Variants in CDH7 observed in about 807,000 individuals in gnomAD.
The protein encoded by CDH7 is cadherin-7.
In CDH7, 25 loss-of-function variants were observed where a neutral mutation model predicts 71.8. The ratio of observed to expected loss-of-function variants is 0.35; its 90% CI spans 0.25 to 0.49. CDH7 has a LOEUF of 0.49. Ranked by LOEUF, CDH7 falls within the 20% of genes least tolerant of loss-of-function variation. CDH7 has a pLI of 0.99. For missense variants in CDH7, 862 were observed against 974.6 expected (o/e 0.88, Z 1.54); for synonymous variants, 381 against 363.8 (o/e 1.05, Z -0.54).
intron 6 of CDH7, among the ~76,000 whole-genome samples, chr18:65,842,091 T>A (rs768612580): frequency 1.3e-5 from 2 of 152,132 alleles, no homozygotes; most frequent in Non-Finnish European, 2.9e-5. Flanking sequence ...TTCCCTTATC[T>A]CTCATTTTAA....
chr18:65,861,240 A>G (rs1913552768), intron 10 of CDH7, among the ~76,000 whole-genome samples: 1 of 152,124 alleles, frequency 6.6e-6, no homozygotes, highest in South Asian at 2.1e-4. Context: ...TCAGTTCTTA[A>G]GAAGTCTTCC....
At chr18:65,759,313 C>T (rs942898247) in intron 1 of CDH7, among the ~76,000 whole-genome samples, 4 of 150,694 alleles carry the variant, frequency 2.7e-5, no homozygotes, top group East Asian at 1.9e-4. Context: ...GGTGCCGTCT[C>T]GGCTCCCTGA....
chr18:65,854,282 G>A (rs1030234273), intron 7 of CDH7, among the ~76,000 whole-genome samples: 1 of 135,054 alleles, frequency 7.4e-6, no homozygotes, highest in African/African-American at 2.8e-5. Flanking sequence ...CTCCAGCCTG[G>A]GCTACAGAGT....
intron 2 of CDH7, among the ~76,000 whole-genome samples, chr18:65,808,373 A>C (rs1355634093): frequency 6.6e-6 from 1 of 152,316 alleles, no homozygotes; most frequent in South Asian, 2.1e-4. Context: ...ACAGTTAAAT[A>C]ATTCACAATA....
rs1914288801 is a variant in CDH7 at position 65,883,474 on chromosome 18, G to A, written c.*2580G>A. 6.6e-6 allele frequency: 1 copy of A among 151,866 alleles called. No homozygotes were observed. The highest frequency in any genetic ancestry group is 1.5e-5 in the Non-Finnish European group (1 of 67,892). The allele number at this position is 151,866 out of a possible 1,614,324, so 9.4% of individuals were successfully genotyped here. Reference sequence around the variant, plus strand: ...AGCTGATTGATAAAATTAATATTAAGTCTAGTTGGAAAATTCTCCAAATAT... The same window carrying A: ...AGCTGATTGATAAAATTAATATTAAATCTAGTTGGAAAATTCTCCAAATAT... On this transcript the variant is annotated 3_prime_UTR_variant, in exon 12 of 12. Transcript: ENST00000397968.
In CDH7 at chr18:65,782,148, T is replaced by C. The variant is rs866196291; in HGVS notation, c.210+19096T>C. Among the ~76,000 whole-genome samples the C allele has an allele frequency of 4.0e-4, 43 of 108,696 alleles. 3 individuals carry two copies. Among genetic ancestry groups the C allele is most frequent in the African/African-American group, 1.6e-3 (29 of 18,076 alleles). 71.3% of individuals were successfully genotyped at this position (108,696 alleles called of 152,430 possible). A position where few individuals can be genotyped will look rare whatever the true frequency, so the allele number is the denominator to read the frequency against. ...TTTCTTTCTTTCTTTCTTTCTTTCT[T>C]TCTTTCTTTCTTTCTTCCTTTCTTT... is the stretch of plus-strand genomic sequence containing the variant. On this transcript the variant is annotated intron_variant, in intron 2 of 11. Coordinates refer to ENST00000397968, the MANE Select transcript of CDH7 (RefSeq NM_004361.5).
chr18:65,861,416 T>TTTTAG (rs563556037), intron 10 of CDH7, among the ~76,000 whole-genome samples: 1 of 151,846 alleles, frequency 6.6e-6, no homozygotes, highest in African/African-American at 2.4e-5. Context: ...AAACTTTTTG[T>TTTTAG]ATCAAGTCAT....
At chr18:65,850,000 C>T (rs549266438) in intron 7 of CDH7, among the ~76,000 whole-genome samples, 9 of 149,434 alleles carry the variant, frequency 6.0e-5, no homozygotes, top group African/African-American at 2.3e-4. Context: ...CCTGTCTTTA[C>T]CAAAAGTACA....
chr18:65,864,104 C>G (rs1230575420), intron 11 of CDH7: 1 of 151,702 alleles, frequency 6.6e-6, no homozygotes, highest in African/African-American at 2.4e-5. Flanking sequence ...AGAAAATAAA[C>G]TATATTTTGC....
intron 11 of CDH7, among the ~76,000 whole-genome samples, chr18:65,871,696 G>A (rs1199765595): frequency 2.6e-5 from 4 of 152,160 alleles, no homozygotes; most frequent in African/African-American, 9.7e-5. Context: ...ATTAAACTTA[G>A]AAATTTTGAA....
At chr18:65,831,244 G>A (rs759858412) in intron 6 of CDH7, among the ~76,000 whole-genome samples, 2 of 152,102 alleles carry the variant, frequency 1.3e-5, no homozygotes, top group Non-Finnish European at 2.9e-5. Context: ...GAGAACATTG[G>A]TGTGAGTTTC....
In CDH7 at chr18:65,828,899, A is replaced by T. The variant is rs145930715; in HGVS notation, c.981+4068A>T. Among the ~76,000 whole-genome samples the T allele has an allele frequency of 6.8e-4, 103 of 152,148 alleles. 1 individual carries two copies. In the East Asian group the frequency reaches 0.017, roughly 25 times the overall value. ...ATCCTCAAACATTGTTCATATTCTA[A>T]CTCTTTCTATGAACTTCAAAGAACT... is the stretch of plus-strand genomic sequence containing the variant. On this transcript the variant is annotated intron_variant, in intron 6 of 11. Coordinates refer to ENST00000397968, the MANE Select transcript of CDH7 (RefSeq NM_004361.5).
intron 2 of CDH7, among the ~76,000 whole-genome samples, chr18:65,807,296 C>A (rs1911360026): frequency 6.6e-6 from 1 of 152,054 alleles, no homozygotes; most frequent in South Asian, 2.1e-4. Flanking sequence ...ACAGTCAGGG[C>A]TTACTGTGTG....
chr18:65,846,735 C>G (rs911361915), intron 7 of CDH7, among the ~76,000 whole-genome samples: 2 of 152,092 alleles, frequency 1.3e-5, no homozygotes, highest in African/African-American at 4.8e-5. Flanking sequence ...GTGGAATGGC[C>G]TCGGAGATGT....
rs1914435333 is a variant in CDH7 at position 65,888,728 on chromosome 18, C to G, written c.*7834C>G. On this transcript the variant is annotated 3_prime_UTR_variant, in exon 12 of 12. Transcript: ENST00000397968. The stretch of plus-strand genomic sequence containing the variant: ...GGAAAAACTTTGATGCCCAGAATAA[C>G]TGTAACTTATGCAAACACACACACA... 1 of 137,926 alleles carries G rather than the reference C, an allele frequency of 7.3e-6. No homozygotes were observed. The highest frequency in any genetic ancestry group is 1.6e-5 in the Non-Finnish European group (1 of 64,078). 8.5% of individuals were successfully genotyped at this position (137,926 alleles called of 1,614,324 possible).
intron 2 of CDH7, among the ~76,000 whole-genome samples, chr18:65,778,549 T>TTTTTTTTTTTTA (rs1267851629): frequency 1.4e-5 from 2 of 146,802 alleles, no homozygotes; most frequent in African/African-American, 5.2e-5. Context: ...TTTTTTTTTT[T>TTTTTTTTTTTTA]ACATAAAAAT....
intron 4 of CDH7, among the ~76,000 whole-genome samples, chr18:65,821,027 A>G (rs1436149718): frequency 1.3e-5 from 2 of 152,134 alleles, no homozygotes; most frequent in African/African-American, 4.8e-5. Context: ...TTTTCATATA[A>G]ATGAAATATG....
In CDH7 at chr18:65,859,080, G is replaced by C. The variant is rs778588459; in HGVS notation, c.1494+34G>C. 3 of 1,601,824 alleles carry C rather than the reference G, an allele frequency of 1.9e-6. No homozygotes were observed. In the African/African-American group the frequency reaches 4.0e-5, roughly 22 times the overall value. On this transcript the variant is annotated intron_variant, in intron 9 of 11. Coordinates refer to ENST00000397968, the MANE Select transcript of CDH7 (RefSeq NM_004361.5). The stretch of plus-strand genomic sequence containing the variant: ...CTTCAGAACACTTTGCTTCTAATTT[G>C]TGGTTTCTTAAAAAATATCCAGCAG...
chr18:65,801,838 A>T (rs1405019002), intron 2 of CDH7, among the ~76,000 whole-genome samples: 1 of 152,222 alleles, frequency 6.6e-6, no homozygotes, highest in Non-Finnish European at 1.5e-5. Flanking sequence ...AGACTCTAAA[A>T]TTTTATTTCC....
Sources: allele counts gnomAD v4.1 joint callset (sites outside exome capture counted in the v4.1 genomes callset), GRCh38; gene constraint gnomAD v4.1.1; transcripts MANE v1.5; gene names NCBI Gene and HGNC (gene_info 2026-07-23, HGNC 2026-07-21).